Variants in TPRG1 observed in about 807,000 individuals in gnomAD.
TPRG1 encodes the protein tumor protein p63 regulated 1.
TPRG1 carries 29 observed loss-of-function variants against 29.3 expected under a neutral mutation model. That is an observed-to-expected ratio of 0.99 (90% confidence interval 0.74 to 1.35). TPRG1 has a LOEUF of 1.35. TPRG1 is among the 40% of genes most tolerant of loss of function. TPRG1 has a pLI of 0.00. For missense variants in TPRG1, 327 were observed against 335.0 expected (o/e 0.98, Z 0.19); for synonymous variants, 130 against 116.8 (o/e 1.11, Z -0.73).
chr3:189,199,564 G>T (rs1282594271), intron 1 of TPRG1, among the ~76,000 whole-genome samples: 1 of 152,184 alleles, frequency 6.6e-6, no homozygotes, highest in East Asian at 1.9e-4. Context: ...CCAGGGCCGG[G>T]CCCGATGGCT....
intron 3 of TPRG1, among the ~76,000 whole-genome samples, chr3:189,142,152 G>A (rs1041940428): frequency 3.3e-5 from 5 of 152,148 alleles, no homozygotes; most frequent in South Asian, 2.1e-4. Context: ...CGGGCAGGAC[G>A]GGCAGCACGT....
chr3:189,203,552 G>T (rs188083381), intron 1 of TPRG1, among the ~76,000 whole-genome samples: 1 of 152,238 alleles, frequency 6.6e-6, no homozygotes, highest in East Asian at 1.9e-4. Context: ...TCGTGCTACT[G>T]CAATGTTTGC....
intron 3 of TPRG1, among the ~76,000 whole-genome samples, chr3:189,139,818 G>A (rs765381655): frequency 1.2e-4 from 19 of 152,038 alleles, no homozygotes; most frequent in Non-Finnish European, 1.6e-4. Flanking sequence ...GAAATGTACC[G>A]GCTGGTCTGC....
At chr3:189,270,905 A>G (rs957895731) in intron 4 of TPRG1, among the ~76,000 whole-genome samples, 2 of 152,174 alleles carry the variant, frequency 1.3e-5, no homozygotes, top group African/African-American at 4.8e-5. Context: ...TGATAATAAT[A>G]ATAATAAAGC....
intron 4 of TPRG1, among the ~76,000 whole-genome samples, chr3:189,294,006 G>T (rs925732327): frequency 1.3e-5 from 2 of 152,068 alleles, no homozygotes; most frequent in African/African-American, 4.8e-5. Flanking sequence ...CAACCTTTTG[G>T]CCTGTTTCCC....
At chr3:189,196,548 C>T (rs1477549278) in intron 1 of TPRG1, among the ~76,000 whole-genome samples, 1 of 152,024 alleles carries the variant, frequency 6.6e-6, no homozygotes, top group Non-Finnish European at 1.5e-5. Context: ...GGGAAACTCC[C>T]CTTTATAAAT....
chr3:189,112,702 T>A (rs1482232201), intron 1 of TPRG1, among the ~76,000 whole-genome samples: 1 of 152,212 alleles, frequency 6.6e-6, no homozygotes, highest in African/African-American at 2.4e-5. Context: ...GTAGCATTAT[T>A]TCTGAGGGCT....
chr3:189,247,487 T>C (rs1372954981), intron 4 of TPRG1, among the ~76,000 whole-genome samples: 2 of 150,728 alleles, frequency 1.3e-5, no homozygotes, highest in South Asian at 2.1e-4. Flanking sequence ...TTGAGAGTGG[T>C]TCATATTTTC....
rs1451033747 is a variant in TPRG1, at chr3:189,254,691, T to C, written c.479+15782T>C. Among the ~76,000 whole-genome samples, 3 of 152,326 alleles carry C rather than the reference T, an allele frequency of 2.0e-5. No individual in the cohort carries two copies. In the East Asian group the frequency reaches 5.8e-4, roughly 29 times the overall value. Reference sequence around the variant, plus strand: ...TTCCATTTGTTTGTGTCCTCTCTTATTTCCTTGAGCAGTGGTTTGTAGTTC... The same window carrying C: ...TTCCATTTGTTTGTGTCCTCTCTTACTTCCTTGAGCAGTGGTTTGTAGTTC... On this transcript the variant is annotated intron_variant, in intron 4 of 5. Transcript: ENST00000345063.
intron 3 of TPRG1, among the ~76,000 whole-genome samples, chr3:189,237,233 G>A (rs1578969155): frequency 1.3e-5 from 2 of 152,160 alleles, no homozygotes; most frequent in East Asian, 3.9e-4. Context: ...GGGATGGAGT[G>A]AATAGCCCAA....
At position 189,312,117 on chromosome 3, in the gene TPRG1, GTTTCTTTC is replaced by G. The variant is rs71169040; in HGVS notation, c.633+1638_633+1645del. The stretch of plus-strand genomic sequence containing the variant: ...TCTTTGTTTCTTTGTTTCTTTCTTT[GTTTCTTTC>G]TTTCTTTCTTTCTTTCTTTCTTTCT... On this transcript the variant is annotated intron_variant, in intron 5 of 5. Transcript: ENST00000345063. Among the ~76,000 whole-genome samples the G allele has an allele frequency of 4.8e-3, 295 of 61,328 alleles. 1 individual carries two copies. Among genetic ancestry groups the G allele is most frequent in the Middle Eastern group, 7.4e-3 (1 of 136 alleles). The allele number at this position is 61,328 out of a possible 152,430, so 40.2% of individuals were successfully genotyped here. A position where few individuals can be genotyped will look rare whatever the true frequency, so the allele number is the denominator to read the frequency against.
chr3:189,313,534 G>C (rs901313884), intron 5 of TPRG1, among the ~76,000 whole-genome samples: 2 of 152,120 alleles, frequency 1.3e-5, no homozygotes, highest in African/African-American at 4.8e-5. Flanking sequence ...GAATAACATA[G>C]AGCTGAGTTA....
intron 4 of TPRG1, among the ~76,000 whole-genome samples, chr3:189,274,394 C>T (rs993260845): frequency 8.0e-5 from 12 of 150,052 alleles, no homozygotes; most frequent in Non-Finnish European, 1.6e-4. Context: ...ATGTAATTGC[C>T]GTTTGTTCAG....
chr3:189,159,583 C>A (rs1375574049), intron 5 of TPRG1, among the ~76,000 whole-genome samples: 1 of 152,082 alleles, frequency 6.6e-6, no homozygotes, highest in Admixed American at 6.5e-5. Flanking sequence ...TTTGCTCGTG[C>A]TGATGATGTT....
chr3:189,078,106 T>TC lies in TPRG1; in HGVS notation c.-462-48951_-462-48950insC, dbSNP rs1491193933. On this transcript the variant is annotated intron_variant, in intron 4 of 10. Coordinates refer to the TPRG1 transcript ENST00000433971. ...CTCTCTTTCTCTCTTTCTTTCTTTC[T>TC]TTCTTTCTTTCTTTCTTTCTTTCTT... Among the ~76,000 whole-genome samples, 389 of 130,674 alleles carry TC rather than the reference T, an allele frequency of 3.0e-3. 4 individuals are homozygous for TC. The highest frequency in any genetic ancestry group is 0.01 in the African/African-American group (373 of 35,626). The allele number at this position is 130,674 out of a possible 152,430, so 85.7% of individuals were successfully genotyped here. A position where few individuals can be genotyped will look rare whatever the true frequency, so the allele number is the denominator to read the frequency against.
intron 1 of TPRG1, among the ~76,000 whole-genome samples, chr3:188,999,323 G>A (rs1711927897): frequency 6.6e-6 from 1 of 152,166 alleles, no homozygotes; most frequent in South Asian, 2.1e-4. Flanking sequence ...CGAGTCAAAG[G>A]CAGCTGTTGG....
chr3:189,083,158 C>T (rs1294772506), intron 4 of TPRG1, among the ~76,000 whole-genome samples: 1 of 152,120 alleles, frequency 6.6e-6, no homozygotes, highest in Non-Finnish European at 1.5e-5. Context: ...CAAGCATAAC[C>T]GCTGGGGCCC....
At chr3:189,166,904 C>T (rs35904006) in intron 5 of TPRG1, among the ~76,000 whole-genome samples, 22,652 of 152,072 alleles carry the variant, frequency 0.15, 2,878 homozygotes, top group African/African-American at 0.34. Flanking sequence ...GGTGACTGAA[C>T]TGGGGGTGGG....
At chr3:189,173,795 G>A (rs1216810626) in intron 1 of TPRG1, among the ~76,000 whole-genome samples, 2 of 152,010 alleles carry the variant, frequency 1.3e-5, no homozygotes, top group Non-Finnish European at 2.9e-5. Flanking sequence ...ATGTCATTTT[G>A]GAGACTGTAA....
Sources: allele counts gnomAD v4.1 joint callset (sites outside exome capture counted in the v4.1 genomes callset), GRCh38; gene constraint gnomAD v4.1.1; transcripts MANE v1.5; gene names NCBI Gene and HGNC (gene_info 2026-07-23, HGNC 2026-07-21).